The following SUPT16H variants were observed in gnomAD, a reference collection of about 807,000 sequenced individuals.
SUPT16H encodes SPT16 homolog, facilitates chromatin remodeling subunit, also known as FACT complex subunit SPT16.
SUPT16H carries 24 observed loss-of-function variants against 136.2 expected under a neutral mutation model. That is an observed-to-expected ratio of 0.18 (90% CI 0.13 to 0.25). The LOEUF is 0.25. Among genes scored for constraint, SUPT16H ranks in the 10% least tolerant of loss-of-function variants. The probability of loss-of-function intolerance (pLI) is 1.00; values close to 1 mark genes in which losing one functional copy is unlikely to be tolerated. For missense variants in SUPT16H, 623 were observed against 1,270.2 expected (o/e 0.49, Z 7.74); for synonymous variants, 415 against 428.2 (o/e 0.97, Z 0.38).
intron 4 of SUPT16H, 116 bp from the exon 5 acceptor site, chr14:21,370,012 GT>G: frequency 8.1e-7 from 1 of 1,227,964 alleles, no homozygotes; most frequent in Non-Finnish European, 1.1e-6. Context: ...ACTATCACTG[GT>G]TTGCAGAATA....
At chr14:21,364,789 A>T in intron 10 of SUPT16H, 38 bp downstream of exon 10, 1 of 1,565,356 alleles carries the variant, frequency 6.4e-7, no homozygotes, top group South Asian at 1.1e-5. Flanking sequence ...CTCAGAAGTT[A>T]GTTCATGAAG....
rs990879612 is a variant in SUPT16H at position 21,374,342 on chromosome 14, G to A, written c.67-912C>T. On this transcript the variant is annotated intron_variant, in intron 1 of 25. Transcript: ENST00000216297. ...TGTCCTTTCTGGCTGATGGAGAGACGGGAGTTCTTTATTTTTTAAAAAAGT... is the reference window on the plus strand; with the variant it reads ...TGTCCTTTCTGGCTGATGGAGAGACAGGAGTTCTTTATTTTTTAAAAAAGT... 8.5e-5 allele frequency among the ~76,000 whole-genome samples: 13 copies of A among 152,292 alleles called. No homozygotes were observed. In the Middle Eastern group the frequency reaches 0.01, roughly 120 times the overall value.
chr14:21,377,076 G>GAAAAAAAAAAAAAAAA (rs11323425), intron 1 of SUPT16H, among the ~76,000 whole-genome samples: 2 of 110,768 alleles, frequency 1.8e-5, no homozygotes, highest in Non-Finnish European at 3.7e-5. Context: ...GAAAGAAAAA[G>GAAAAAAAAAAAAAAAA]AAAAAAAAAA....
At position 21,381,069 on chromosome 14, in the gene SUPT16H, A is replaced by G. The variant is rs115717891; in HGVS notation, c.66+2793T>C. Among the ~76,000 whole-genome samples, 1,482 of 152,170 alleles carry G rather than the reference A, an allele frequency of 9.7e-3. 23 individuals carry two copies. Among genetic ancestry groups the G allele is most frequent in the African/African-American group, 0.032 (1,313 of 41,502 alleles). On this transcript the variant is annotated intron_variant, in intron 1 of 25. Transcript: ENST00000216297. ...GCTCTTAGCAGCTCTCACTTAAAAC[A>G]TAAGAGGCAAGACTGGATCTAGACT...
chr14:21,381,126 G>C (rs190612649), intron 1 of SUPT16H, among the ~76,000 whole-genome samples: 1 of 152,016 alleles, frequency 6.6e-6, no homozygotes, highest in East Asian at 1.9e-4. Flanking sequence ...ACAATAGTAC[G>C]TTCTAAGGTC....
intron 8 of SUPT16H, among the ~76,000 whole-genome samples, chr14:21,366,114 G>A (rs890708865): frequency 6.6e-6 from 1 of 152,080 alleles, no homozygotes; most frequent in African/African-American, 2.4e-5. Flanking sequence ...AAAATATTAG[G>A]ACATCTCAGA....
At chr14:21,381,390 AG>A (rs1887019579) in intron 1 of SUPT16H, among the ~76,000 whole-genome samples, 1 of 152,204 alleles carries the variant, frequency 6.6e-6, no homozygotes, top group Non-Finnish European at 1.5e-5. Context: ...AAAAAAGGGA[AG>A]AAAAAGCTTA....
At chr14:21,364,631 A>T (rs1411585560) in intron 10 of SUPT16H, among the ~76,000 whole-genome samples, 196 bp downstream of exon 10, 1 of 152,232 alleles carries the variant, frequency 6.6e-6, no homozygotes, top group Non-Finnish European at 1.5e-5. Context: ...CCACAATATG[A>T]CAATATGATT....
chr14:21,354,579 G>GT, intron 22 of SUPT16H, 39 bp from the exon 23 acceptor site: 1 of 1,607,188 alleles, frequency 6.2e-7, no homozygotes. Flanking sequence ...TCAATCTTCT[G>GT]TATTTTCCAT....
intron 22 of SUPT16H, among the ~76,000 whole-genome samples, chr14:21,356,105 T>C (rs1886427627): frequency 6.6e-6 from 1 of 152,154 alleles, no homozygotes; most frequent in Admixed American, 6.5e-5. Context: ...CTCCAGGAAC[T>C]GAGACAAAGT....
chr14:21,360,546 A>G lies in SUPT16H; in HGVS notation c.2057-13T>C. 1 of 1,599,004 alleles carries G rather than the reference A, an allele frequency of 6.3e-7. No homozygotes were observed. Among genetic ancestry groups the G allele is most frequent in the Non-Finnish European group, 8.6e-7 (1 of 1,168,616 alleles). Reference sequence around the variant, plus strand: ...GTGAAGCGGAAGCCTGGGGAAAAGAATGAAGAAATGTCAAGCAGTATAATT... The same window carrying G: ...GTGAAGCGGAAGCCTGGGGAAAAGAGTGAAGAAATGTCAAGCAGTATAATT... On this transcript the variant is annotated splice_polypyrimidine_tract_variant and intron_variant, in intron 17 of 25. Transcript: ENST00000216297.
rs1886732882 is a variant in SUPT16H, at chr14:21,369,052, G to C, written c.782+152C>G. 4.8e-5 allele frequency: 38 copies of C among 797,420 alleles called. No homozygotes were observed. The South Asian group carries it at 8.2e-4, about 17-fold the overall frequency. 49.4% of individuals were successfully genotyped at this position (797,420 alleles called of 1,614,324 possible). A position where few individuals can be genotyped will look rare whatever the true frequency, so the allele number is the denominator to read the frequency against. ...CTTAACAAAAATGTATTGCACCTGG[G>C]TGATGGACACCCAAGATAATGACTT... is the stretch of plus-strand genomic sequence containing the variant. On this transcript the variant is annotated intron_variant, in intron 6 of 25. Transcript: ENST00000216297.
In SUPT16H at chr14:21,383,503, G is replaced by A. The variant is rs531303102; in HGVS notation, c.66+359C>T. ...GGGTGGAATATTGTGGTTCTGGAGG[G>A]ACAGAGCGAGTGCGTGAGAACACGG... On this transcript the variant is annotated intron_variant, in intron 1 of 25. Transcript: ENST00000216297. 43 of 623,092 alleles carry A rather than the reference G, an allele frequency of 6.9e-5. 1 individual carries two copies. The highest frequency in any genetic ancestry group is 4.1e-4 in the Middle Eastern group (1 of 2,420). 38.6% of individuals were successfully genotyped at this position (623,092 alleles called of 1,614,324 possible).
chr14:21,364,207 GCTCA>G lies in SUPT16H; in HGVS notation c.1233+616_1233+619del, dbSNP rs1175534964. Among the ~76,000 whole-genome samples, 13 of 115,170 alleles carry G rather than the reference GCTCA, an allele frequency of 1.1e-4. No homozygotes were observed. The South Asian group carries it at 1.9e-3, about 17-fold the overall frequency. 75.6% of individuals were successfully genotyped at this position (115,170 alleles called of 152,430 possible). A position where few individuals can be genotyped will look rare whatever the true frequency, so the allele number is the denominator to read the frequency against. On this transcript the variant is annotated intron_variant, in intron 10 of 25. Transcript: ENST00000216297. ...ATGATAAAAACACTGAACTATCTGT[GCTCA>G]CTATTATTAAAAATCAGTTCGCTGA...
intron 18 of SUPT16H, 127 bp downstream of exon 18, chr14:21,360,288 A>G (rs989575417): frequency 1.5e-6 from 1 of 677,988 alleles, no homozygotes; most frequent in East Asian, 3.0e-5. Context: ...TCGGCCTCCC[A>G]AAGTGCTGGG....
intron 8 of SUPT16H, 80 bp from the exon 9 acceptor site, chr14:21,365,223 T>C: frequency 7.6e-7 from 1 of 1,311,222 alleles, no homozygotes; most frequent in South Asian, 1.3e-5. Flanking sequence ...ATTTCAACTT[T>C]CACAATAAGA....
chr14:21,374,329 C>T (rs1886853630), intron 1 of SUPT16H, among the ~76,000 whole-genome samples: 1 of 152,244 alleles, frequency 6.6e-6, no homozygotes, highest in Non-Finnish European at 1.5e-5. Context: ...TCCTTTCTGG[C>T]TGATGGAGAG....
At chr14:21,363,781 T>A (rs1886608085) in intron 10 of SUPT16H, among the ~76,000 whole-genome samples, 1 of 152,002 alleles carries the variant, frequency 6.6e-6, no homozygotes, top group Non-Finnish European at 1.5e-5. Context: ...CGGATTCAAG[T>A]GATTCTCCTG....
intron 1 of SUPT16H, among the ~76,000 whole-genome samples, chr14:21,382,343 G>C (rs182464024): frequency 6.6e-5 from 10 of 151,742 alleles, no homozygotes; most frequent in African/African-American, 2.2e-4. Flanking sequence ...AGATTTTTGA[G>C]ATACAAAAAA....
Sources: allele counts gnomAD v4.1 joint callset (sites outside exome capture counted in the v4.1 genomes callset), GRCh38; gene constraint gnomAD v4.1.1; transcripts MANE v1.5; gene names NCBI Gene and HGNC (gene_info 2026-07-23, HGNC 2026-07-21).